The following VDAC2 variants were observed in gnomAD, a reference collection of about 807,000 sequenced individuals.
VDAC2 encodes non-selective voltage-gated ion channel VDAC2.
In VDAC2, 6 loss-of-function variants were observed where a neutral mutation model predicts 36.6. That is an observed-to-expected ratio of 0.16 (90% CI 0.09 to 0.32). The LOEUF is 0.32. VDAC2 is among the 10% of genes least tolerant of loss of function. The pLI is 1.00. For synonymous variants in VDAC2, 109 were observed against 123.8 expected (o/e 0.88, Z 0.79); for missense variants, 247 against 346.0 (o/e 0.71, Z 2.27).
At chr10:75,227,267 C>A (rs1450918616) in intron 8 of VDAC2, among the ~76,000 whole-genome samples, 1 of 152,166 alleles carries the variant, frequency 6.6e-6, no homozygotes, top group African/African-American at 2.4e-5. Context: ...TGTGGGAACC[C>A]CAGTTTATAA....
chr10:75,225,978 A>C (rs1037281951), intron 8 of VDAC2, among the ~76,000 whole-genome samples: 1 of 152,036 alleles, frequency 6.6e-6, no homozygotes, highest in Admixed American at 6.6e-5. Flanking sequence ...TTTTTAGTAG[A>C]GATGAGGTTT....
chr10:75,217,257 C>CA (rs556993048), intron 4 of VDAC2, among the ~76,000 whole-genome samples: 81 of 151,382 alleles, frequency 5.4e-4, no homozygotes, highest in Admixed American at 1.1e-3. Flanking sequence ...ACCCTGTCTC[C>CA]AAAAAAAACC....
At chr10:75,218,211 A>G (rs1841666047) in intron 4 of VDAC2, 1 of 279,634 alleles carries the variant, frequency 3.6e-6, no homozygotes, top group Non-Finnish European at 7.2e-6. Flanking sequence ...TGCTGAGTGC[A>G]GTGGTGGGAT....
intron 2 of VDAC2, chr10:75,211,662 AAGTT>A: frequency 6.4e-7 from 1 of 1,550,556 alleles, no homozygotes; most frequent in Non-Finnish European, 8.7e-7. Context: ...TCACATTAGT[AAGTT>A]TGAAGCGCTA....
chr10:75,225,700 T>C (rs753299245), intron 8 of VDAC2, among the ~76,000 whole-genome samples: 3 of 152,226 alleles, frequency 2.0e-5, no homozygotes, highest in Admixed American at 6.5e-5. Context: ...TAAAGTCTCA[T>C]TCTCATGTCT....
intron 4 of VDAC2, among the ~76,000 whole-genome samples, chr10:75,217,509 C>T (rs1440841205): frequency 6.6e-6 from 1 of 152,132 alleles, no homozygotes; most frequent in Non-Finnish European, 1.5e-5. Flanking sequence ...TCCTGAGTAG[C>T]TGGGATTACA....
chr10:75,229,574 G>A, intron 8 of VDAC2, 70 bp from the exon 9 acceptor site: 1 of 1,209,924 alleles, frequency 8.3e-7, no homozygotes, highest in South Asian at 1.3e-5. Context: ...ATTACATGAT[G>A]GGGAAACATG....
intron 7 of VDAC2, 49 bp from the exon 8 acceptor site, chr10:75,222,203 C>T (rs1359252502): frequency 1.3e-6 from 2 of 1,551,966 alleles, no homozygotes; most frequent in Admixed American, 1.8e-5. Context: ...GTGCCTTAGA[C>T]ATTATTACAT....
chr10:75,226,304 C>T (rs990875101), intron 8 of VDAC2, among the ~76,000 whole-genome samples: 2 of 152,034 alleles, frequency 1.3e-5, no homozygotes, highest in African/African-American at 4.8e-5. Context: ...TGGTTTTTGT[C>T]AAGTTCCTGG....
intron 2 of VDAC2, 72 bp downstream of exon 2, chr10:75,211,261 G>A: frequency 1.3e-6 from 2 of 1,578,914 alleles, no homozygotes; most frequent in South Asian, 1.1e-5. Context: ...AACCCAGTTT[G>A]TTTCCCCCTA....
chr10:75,219,800 A>G (rs114495340), intron 6 of VDAC2, among the ~76,000 whole-genome samples: 3,276 of 128,468 alleles, frequency 0.026, 136 homozygotes, highest in African/African-American at 0.092. Flanking sequence ...TTTTTTTTCC[A>G]TATTTTATTT....
chr10:75,214,291 G>GA (rs1162056676), intron 4 of VDAC2, among the ~76,000 whole-genome samples: 2 of 152,202 alleles, frequency 1.3e-5, no homozygotes, highest in Non-Finnish European at 2.9e-5. Flanking sequence ...AGGAACTTAG[G>GA]AAAGACCAGT....
At chr10:75,212,669 T>A in intron 3 of VDAC2, among the ~76,000 whole-genome samples, 1 of 152,204 alleles carries the variant, frequency 6.6e-6, no homozygotes, top group Non-Finnish European at 1.5e-5. Context: ...TGGATTACGT[T>A]ACAGACATGA....
Position 75,222,823 on chromosome 10 carries a change from C to G in VDAC2, c.735+421C>G, listed in dbSNP as rs1186800400. The stretch of plus-strand genomic sequence containing the variant: ...TTCAACCTCAGCCTCCTACTATTCC[C>G]AACTAATTTTTTGATGTTTTTTTGT... On this transcript the variant is annotated intron_variant, in intron 8 of 9. Transcript: ENST00000332211. Among the ~76,000 whole-genome samples the G allele has an allele frequency of 2.6e-5, 4 of 151,934 alleles. No individual in the cohort carries two copies. In the East Asian group the frequency reaches 7.7e-4, roughly 29 times the overall value.
At chr10:75,211,368 A>AT (rs1841414757) in intron 2 of VDAC2, 179 bp downstream of exon 2, 2 of 1,391,306 alleles carry the variant, frequency 1.4e-6, no homozygotes, top group South Asian at 2.9e-5. Flanking sequence ...TGGATTTCAA[A>AT]TGGGGAACAA....
chr10:75,219,769 G>A (rs1841746241), intron 6 of VDAC2, among the ~76,000 whole-genome samples: 1 of 150,026 alleles, frequency 6.7e-6, no homozygotes, highest in Non-Finnish European at 1.5e-5. Flanking sequence ...ACAGGCATGA[G>A]CCACCACGCC....
intron 3 of VDAC2, 34 bp downstream of exon 3, chr10:75,212,332 A>G: frequency 1.9e-6 from 3 of 1,574,516 alleles, no homozygotes; most frequent in Non-Finnish European, 2.6e-6. Flanking sequence ...TTTTAGATAA[A>G]GAGTGAAAAT....
intron 7 of VDAC2, among the ~76,000 whole-genome samples, 194 bp from the exon 8 acceptor site, chr10:75,222,058 G>A (rs1273222659): frequency 6.6e-6 from 1 of 152,114 alleles, no homozygotes; most frequent in Non-Finnish European, 1.5e-5. Context: ...GATATTCTGT[G>A]GTTCATTTTA....
In VDAC2 at chr10:75,210,923, C is replaced by T; in HGVS notation, c.-41C>T. 3 of 420,120 alleles carry T rather than the reference C, an allele frequency of 7.1e-6. No individual in the cohort carries two copies. Among genetic ancestry groups the T allele is most frequent in the East Asian group, 3.7e-5 (1 of 26,892 alleles). 26.0% of individuals were successfully genotyped at this position (420,120 alleles called of 1,614,324 possible). ...TAGCGGAGCGGTGGCGGCGGCCCCCCTCAGGACACCACCAGGTACCGCCGC... is the reference window on the plus strand; with the variant it reads ...TAGCGGAGCGGTGGCGGCGGCCCCCTTCAGGACACCACCAGGTACCGCCGC... On this transcript the variant is annotated 5_prime_UTR_variant, in exon 1 of 10. Transcript: ENST00000332211.
Sources: gnomAD v4.1 joint callset for allele counts (sites outside exome capture counted in the v4.1 genomes callset) on GRCh38, gnomAD v4.1.1 for gene constraint, MANE v1.5 for transcripts, NCBI Gene and HGNC (gene_info 2026-07-23, HGNC 2026-07-21) for gene names.